THSD7B: variants seen among roughly 807,000 people sequenced by gnomAD.
THSD7B encodes thrombospondin type-1 domain-containing protein 7B.
Under a neutral mutation model 213.6 loss-of-function variants are expected in THSD7B, and 138 were observed. That is an observed-to-expected ratio of 0.65 (90% CI 0.56 to 0.74). The LOEUF (loss-of-function observed/expected upper bound fraction) is 0.74. Ranked by LOEUF, THSD7B falls within the 30% of genes least tolerant of loss-of-function variation. The pLI is 0.00. For missense variants in THSD7B, 1,931 were observed against 1,991.5 expected (o/e 0.97, Z 0.58); for synonymous variants, 742 against 687.0 (o/e 1.08, Z -1.25).
intron 5 of THSD7B, among the ~76,000 whole-genome samples, chr2:137,119,887 T>C (rs1688517455): frequency 6.6e-6 from 1 of 152,204 alleles, no homozygotes; most frequent in Admixed American, 6.5e-5. Context: ...GCTGATATCT[T>C]AAGGGGCAAT....
intron 2 of THSD7B, among the ~76,000 whole-genome samples, chr2:136,912,771 C>T (rs1167116517): frequency 1.3e-5 from 2 of 152,236 alleles, no homozygotes; most frequent in East Asian, 1.9e-4. Context: ...TAAGAAGTAC[C>T]TTTCACCTCC....
At chr2:137,052,412 T>C (rs1687085296) in intron 2 of THSD7B, among the ~76,000 whole-genome samples, 1 of 152,186 alleles carries the variant, frequency 6.6e-6, no homozygotes, top group Non-Finnish European at 1.5e-5. Context: ...ACTTAAATTA[T>C]TCTAAATTTT....
chr2:137,579,534 G>A (rs562509450), intron 17 of THSD7B, among the ~76,000 whole-genome samples: 8,142 of 122,834 alleles, frequency 0.066, 283 homozygotes, highest in Middle Eastern at 0.1. Context: ...ACACACGCGC[G>A]TGCGCACACA....
intron 4 of THSD7B, among the ~76,000 whole-genome samples, chr2:137,105,113 G>T (rs7604783): frequency 1.3e-5 from 2 of 151,974 alleles, no homozygotes; most frequent in Admixed American, 1.3e-4. Flanking sequence ...AACAACAAAA[G>T]AATTTCAGGC....
chr2:137,242,107 C>T (rs1681920860), intron 9 of THSD7B, among the ~76,000 whole-genome samples: 1 of 152,038 alleles, frequency 6.6e-6, no homozygotes, highest in South Asian at 2.1e-4. Flanking sequence ...CTGAATAAAA[C>T]ATTTAAAATA....
At chr2:137,342,320 C>T (rs186008203) in intron 12 of THSD7B, among the ~76,000 whole-genome samples, 36 of 151,218 alleles carry the variant, frequency 2.4e-4, no homozygotes, top group Admixed American at 2.0e-3. Context: ...TGTTAGTAAA[C>T]AGAAACACTA....
At chr2:137,073,924 G>A (rs1018201813) in intron 3 of THSD7B, among the ~76,000 whole-genome samples, 3 of 152,284 alleles carry the variant, frequency 2.0e-5, no homozygotes, top group African/African-American at 7.2e-5. Context: ...CTGAGTTCTA[G>A]TTTGATTGCA....
chr2:137,079,759 T>G (rs1242891382), intron 3 of THSD7B, among the ~76,000 whole-genome samples: 4 of 152,200 alleles, frequency 2.6e-5, no homozygotes, highest in Non-Finnish European at 5.9e-5. Flanking sequence ...TAGCTTACAT[T>G]GTATTTACGG....
chr2:137,670,215 G>A (rs1249437071), intron 27 of THSD7B, among the ~76,000 whole-genome samples: 2 of 152,024 alleles, frequency 1.3e-5, no homozygotes, highest in Non-Finnish European at 2.9e-5. Flanking sequence ...GCTCCCATCT[G>A]CAGTCTACAG....
chr2:137,187,868 T>G (rs1397748738), intron 7 of THSD7B, among the ~76,000 whole-genome samples: 1 of 152,134 alleles, frequency 6.6e-6, no homozygotes, highest in Non-Finnish European at 1.5e-5. Flanking sequence ...TAATTTTTGT[T>G]CCAATGTTCC....
At chr2:137,172,450 T>C (rs13393237) in intron 7 of THSD7B, among the ~76,000 whole-genome samples, 3,776 of 152,220 alleles carry the variant, frequency 0.025, 85 homozygotes, top group African/African-American at 0.06. Flanking sequence ...AACTATGAGG[T>C]ACAGAGAGCT....
chr2:137,526,660 G>A (rs943601897), intron 15 of THSD7B, among the ~76,000 whole-genome samples: 1 of 152,228 alleles, frequency 6.6e-6, no homozygotes, highest in African/African-American at 2.4e-5. Flanking sequence ...CTGACCTCAG[G>A]TGATCCATCC....
At chr2:136,979,981 G>A (rs1685546700) in intron 2 of THSD7B, among the ~76,000 whole-genome samples, 1 of 151,998 alleles carries the variant, frequency 6.6e-6, no homozygotes, top group African/African-American at 2.4e-5. Context: ...TGTTGTTGCT[G>A]TCTGTCATCT....
At chr2:137,583,769 A>T (rs113019383) in intron 17 of THSD7B, among the ~76,000 whole-genome samples, 1 of 151,956 alleles carries the variant, frequency 6.6e-6, no homozygotes, top group Non-Finnish European at 1.5e-5. Context: ...AAGTCAGGTA[A>T]CGTGATGCCT....
At chr2:136,894,904 C>T (rs773714672) in intron 2 of THSD7B, among the ~76,000 whole-genome samples, 2 of 152,054 alleles carry the variant, frequency 1.3e-5, no homozygotes, top group Non-Finnish European at 2.9e-5. Flanking sequence ...TCTGATATTT[C>T]CATTCATAAA....
intron 15 of THSD7B, among the ~76,000 whole-genome samples, chr2:137,529,613 A>G (rs1335387501): frequency 6.7e-6 from 1 of 148,250 alleles, no homozygotes; most frequent in East Asian, 1.9e-4. Flanking sequence ...TTTTTTTTTA[A>G]AGGACATCCA....
At chr2:137,015,799 A>G (rs1301509283) in intron 2 of THSD7B, among the ~76,000 whole-genome samples, 1 of 152,126 alleles carries the variant, frequency 6.6e-6, no homozygotes, top group African/African-American at 2.4e-5. Context: ...TGTAAACATC[A>G]GCCACTCTAT....
chr2:137,669,187 A>C (rs535598761), intron 27 of THSD7B, among the ~76,000 whole-genome samples: 1 of 152,092 alleles, frequency 6.6e-6, no homozygotes, highest in Non-Finnish European at 1.5e-5. Context: ...GTTTTTACCC[A>C]AGTTTTAATC....
intron 1 of THSD7B, among the ~76,000 whole-genome samples, chr2:136,796,183 C>T (rs1014476921): frequency 1.3e-5 from 2 of 151,726 alleles, no homozygotes; most frequent in Non-Finnish European, 2.9e-5. Flanking sequence ...TACAGGTTTC[C>T]ATGACCTCTA....
Sources: allele counts gnomAD v4.1 joint callset (sites outside exome capture counted in the v4.1 genomes callset), GRCh38; gene constraint gnomAD v4.1.1; transcripts MANE v1.5; gene names NCBI Gene and HGNC (gene_info 2026-07-23, HGNC 2026-07-21).